The following PHF21B variants were observed in gnomAD, a reference collection of about 807,000 sequenced individuals.
The protein encoded by PHF21B is PHD finger protein 21B.
In PHF21B, 22 loss-of-function variants were observed where a neutral mutation model predicts 62.2. That is an observed-to-expected ratio of 0.35 (90% CI 0.25 to 0.51). The LOEUF (loss-of-function observed/expected upper bound fraction) is 0.51. Ranked by LOEUF, PHF21B falls within the 20% of genes least tolerant of loss-of-function variation. PHF21B has a pLI of 0.97. For missense variants in PHF21B, 701 were observed against 707.9 expected (o/e 0.99, Z 0.11); for synonymous variants, 341 against 314.7 (o/e 1.08, Z -0.88).
chr22:44,947,106 C>T (rs1257601450), intron 2 of PHF21B, among the ~76,000 whole-genome samples: 3 of 152,260 alleles, frequency 2.0e-5, no homozygotes, highest in Non-Finnish European at 4.4e-5. Context: ...TCCAAGATCA[C>T]GCACTGCGTG....
chr22:44,944,373 T>C (rs954846081), intron 2 of PHF21B, among the ~76,000 whole-genome samples: 1 of 152,212 alleles, frequency 6.6e-6, no homozygotes, highest in African/African-American at 2.4e-5. Flanking sequence ...AGGGGCACTA[T>C]GGCATGCTCA....
intron 2 of PHF21B, among the ~76,000 whole-genome samples, chr22:44,977,538 C>T (rs1441455505): frequency 6.6e-6 from 1 of 151,570 alleles, no homozygotes; most frequent in Non-Finnish European, 1.5e-5. Context: ...ACACTCCAAC[C>T]TGGGTGACAG....
rs142998577 is a variant in PHF21B, at chr22:44,949,862, C to T, written c.121-29372G>A. ...TAAGTTCAGGTGATTTTTTCGGCAC[C>T]GCTGCAAGAACAGATGTGAGTTAAA... On this transcript the variant is annotated intron_variant, in intron 2 of 12. Transcript: ENST00000313237. Among the ~76,000 whole-genome samples the T allele has an allele frequency of 4.7e-4, 72 of 152,244 alleles. No homozygotes were observed. In the South Asian group the frequency reaches 6.9e-3, roughly 14 times the overall value.
At chr22:44,976,932 G>A (rs767533085) in intron 2 of PHF21B, among the ~76,000 whole-genome samples, 1 of 152,190 alleles carries the variant, frequency 6.6e-6, no homozygotes, top group Non-Finnish European at 1.5e-5. Context: ...GAGCCCAGCA[G>A]TTCAAGACCA....
intron 2 of PHF21B, among the ~76,000 whole-genome samples, chr22:44,985,004 T>C (rs1261185246): frequency 2.0e-5 from 3 of 152,172 alleles, no homozygotes; most frequent in African/African-American, 7.2e-5. Flanking sequence ...CCCTGTGGGT[T>C]TTCTGTTATC....
At chr22:44,904,289 AT>A (rs150128832) in intron 5 of PHF21B, among the ~76,000 whole-genome samples, 5,733 of 150,414 alleles carry the variant, frequency 0.038, 311 homozygotes, top group African/African-American at 0.12. Context: ...ACAAAACTGG[AT>A]TTTTTTTTTC....
intron 5 of PHF21B, among the ~76,000 whole-genome samples, chr22:44,911,708 G>A (rs113963436): frequency 1.1e-4 from 16 of 152,376 alleles, no homozygotes; most frequent in African/African-American, 3.8e-4. Context: ...CAGGGGCAGA[G>A]CCCTCATGGA....
At chr22:45,000,032 A>AG (rs2073186541) in intron 2 of PHF21B, among the ~76,000 whole-genome samples, 1 of 152,094 alleles carries the variant, frequency 6.6e-6, no homozygotes, top group South Asian at 2.1e-4. Flanking sequence ...ATGAACTATT[A>AG]TTAATCCCCT....
chr22:44,971,361 A>T (rs2072634151), intron 2 of PHF21B: 1 of 152,164 alleles, frequency 6.6e-6, no homozygotes, highest in South Asian at 2.1e-4. Flanking sequence ...ATGATAAAGC[A>T]TTGGTGCCTG....
intron 2 of PHF21B, among the ~76,000 whole-genome samples, chr22:44,936,135 GA>G (rs1471055665): frequency 3.3e-5 from 5 of 152,366 alleles, no homozygotes; most frequent in Admixed American, 2.0e-4. Flanking sequence ...GGAGGGTCCT[GA>G]AGAACCCGGC....
intron 12 of PHF21B, among the ~76,000 whole-genome samples, chr22:44,884,764 C>CCAT (rs2070823770): frequency 5.0e-5 from 2 of 40,162 alleles, no homozygotes; most frequent in South Asian, 1.2e-3. Context: ...ACCATCATTA[C>CCAT]CACCATCACC....
chr22:44,895,785 T>G (rs112127756), intron 6 of PHF21B, among the ~76,000 whole-genome samples: 39 of 152,248 alleles, frequency 2.6e-4, no homozygotes, highest in African/African-American at 8.7e-4. Flanking sequence ...TTCTCTGTCT[T>G]GTTCGTCTTT....
rs182331874 is a variant in PHF21B, at chr22:44,895,336, T to A, written c.883+696A>T. Reference sequence around the variant, plus strand: ...CACAGCTCACGTGAGATTGCCCTCATCATTCTACGATGATGTTCACGGCCC... The same window carrying A: ...CACAGCTCACGTGAGATTGCCCTCAACATTCTACGATGATGTTCACGGCCC... On this transcript the variant is annotated intron_variant, in intron 6 of 12. Transcript: ENST00000313237. Among the ~76,000 whole-genome samples, 5 of 152,256 alleles carry A rather than the reference T, an allele frequency of 3.3e-5. No individual in the cohort carries two copies. In the East Asian group the frequency reaches 9.7e-4, roughly 29 times the overall value.
chr22:45,009,377 G>T lies in PHF21B; in HGVS notation c.54+119C>A. 1.9e-6 allele frequency: 2 copies of T among 1,076,508 alleles called. No homozygotes were observed. Among genetic ancestry groups the T allele is most frequent in the Non-Finnish European group, 2.6e-6 (2 of 780,678 alleles). 66.7% of individuals were successfully genotyped at this position (1,076,508 alleles called of 1,614,324 possible). A position where few individuals can be genotyped will look rare whatever the true frequency, so the allele number is the denominator to read the frequency against. ...CTCACTCCCTCGCCCCCCGCCCCCGGGCAGGCTCCAGCCTGGAAGACCCAG... is the reference window on the plus strand; with the variant it reads ...CTCACTCCCTCGCCCCCCGCCCCCGTGCAGGCTCCAGCCTGGAAGACCCAG... On this transcript the variant is annotated intron_variant, in intron 1 of 12. Coordinates refer to ENST00000313237, the MANE Select transcript of PHF21B (RefSeq NM_138415.5). This position sits in a 1 kb window ranked among gnomAD's most constrained non-coding sequence, Gnocchi z 5.9.
At chr22:45,007,547 G>A in intron 2 of PHF21B, among the ~76,000 whole-genome samples, 1 of 121,434 alleles carries the variant, frequency 8.2e-6, no homozygotes, top group Non-Finnish European at 1.8e-5. Flanking sequence ...CGCGGCGCGG[G>A]CGGGGGCGGG....
intron 2 of PHF21B, among the ~76,000 whole-genome samples, chr22:44,954,779 C>T (rs1569251953): frequency 6.6e-6 from 1 of 152,192 alleles, no homozygotes; most frequent in Non-Finnish European, 1.5e-5. Flanking sequence ...CCTTCCCACC[C>T]CACGCTCCCA....
At chr22:44,934,563 A>T (rs2071807718) in intron 2 of PHF21B, among the ~76,000 whole-genome samples, 1 of 152,152 alleles carries the variant, frequency 6.6e-6, no homozygotes, top group African/African-American at 2.4e-5. Flanking sequence ...GGGAACGGGC[A>T]GGTGTCAGCA....
intron 2 of PHF21B, among the ~76,000 whole-genome samples, chr22:44,929,094 G>A (rs136686): frequency 0.23 from 34,357 of 152,244 alleles, 4,593 homozygotes; most frequent in East Asian, 0.62. Context: ...TTCTCGAGTT[G>A]CAATTTTCCT....
rs1400585034 is a variant in PHF21B, at chr22:45,009,609, G to C, written c.-60C>G. 6.7e-7 allele frequency: 1 copy of C among 1,484,584 alleles called. No homozygotes were observed. Among genetic ancestry groups the C allele is most frequent in the East Asian group, 2.7e-5 (1 of 36,856 alleles). The allele number at this position is 1,484,584 out of a possible 1,614,324, so 92.0% of individuals were successfully genotyped here. On this transcript the variant is annotated 5_prime_UTR_variant, in exon 1 of 13. Coordinates refer to ENST00000313237, the MANE Select transcript of PHF21B (RefSeq NM_138415.5). This position sits in a 1 kb window ranked among gnomAD's most constrained non-coding sequence, Gnocchi z 5.9. ...GGCCCGGGCTCCCGGGAAGTTGCGC[G>C]GCTCCGCGGGGGCCAGAGCGGGCGC...
Sources: allele counts gnomAD v4.1 joint callset (sites outside exome capture counted in the v4.1 genomes callset), GRCh38; gene constraint gnomAD v4.1.1; non-coding constraint Gnocchi (gnomAD v3.1); transcripts MANE v1.5; gene names NCBI Gene and HGNC (gene_info 2026-07-23, HGNC 2026-07-21).